SPIRE1: variants seen among roughly 807,000 people sequenced by gnomAD.
The protein encoded by SPIRE1 is spire type actin nucleation factor 1, also known as protein spire homolog 1.
SPIRE1 carries 40 observed loss-of-function variants against 94.1 expected under a neutral mutation model. The ratio of observed to expected loss-of-function variants is 0.43; its 90% CI spans 0.33 to 0.55. The LOEUF is 0.55. Ranked by LOEUF, SPIRE1 falls within the 20% of genes least tolerant of loss-of-function variation. The probability of loss-of-function intolerance (pLI) is 0.06; values close to 1 mark genes in which losing one functional copy is unlikely to be tolerated. For synonymous variants in SPIRE1, 376 were observed against 371.7 expected (o/e 1.01, Z -0.13); for missense variants, 838 against 975.2 (o/e 0.86, Z 1.87).
chr18:12,455,452 T>G (rs1427513434), intron 12 of SPIRE1, among the ~76,000 whole-genome samples: 1 of 152,216 alleles, frequency 6.6e-6, no homozygotes, highest in African/African-American at 2.4e-5. Flanking sequence ...AGATTTGTTG[T>G]TACTTTCAAC....
chr18:12,594,500 T>A (rs1360166603), intron 2 of SPIRE1, among the ~76,000 whole-genome samples: 1 of 152,180 alleles, frequency 6.6e-6, no homozygotes, highest in African/African-American at 2.4e-5. Context: ...AAAAATTAGG[T>A]TACAAACCAC....
rs1380909503 is a variant in SPIRE1, at chr18:12,535,298, T to G, written c.729+178A>C. Among the ~76,000 whole-genome samples, 8 of 152,236 alleles carry G rather than the reference T, an allele frequency of 5.3e-5. No homozygotes were observed. The South Asian group carries it at 1.7e-3, about 32-fold the overall frequency. ...CTGTTGATATTTCAATACAATAGAT[T>G]TAATTTTACCTAAGTTGCTTCTTTC... On this transcript the variant is annotated intron_variant, in intron 4 of 16. Transcript: ENST00000409402.
At chr18:12,564,507 A>G (rs894641130) in intron 2 of SPIRE1, among the ~76,000 whole-genome samples, 2 of 152,364 alleles carry the variant, frequency 1.3e-5, no homozygotes, top group South Asian at 2.1e-4. Flanking sequence ...AGGAGCTTAG[A>G]AGTCACTACT....
intron 2 of SPIRE1, among the ~76,000 whole-genome samples, chr18:12,555,022 A>G (rs543387338): frequency 3.3e-5 from 5 of 152,120 alleles, no homozygotes; most frequent in South Asian, 2.1e-4. Flanking sequence ...CTAACCGACC[A>G]CCTACTTCCT....
intron 2 of SPIRE1, among the ~76,000 whole-genome samples, chr18:12,555,937 C>T (rs1301898538): frequency 6.6e-6 from 1 of 152,082 alleles, no homozygotes; most frequent in Non-Finnish European, 1.5e-5. Flanking sequence ...CTGAACCCCT[C>T]CCGAAAATCT....
intron 12 of SPIRE1, among the ~76,000 whole-genome samples, chr18:12,456,798 C>T (rs2031527628): frequency 6.6e-6 from 1 of 152,206 alleles, no homozygotes; most frequent in Non-Finnish European, 1.5e-5. Context: ...CAACTCACTG[C>T]TTTGACCCAC....
chr18:12,616,383 C>A (rs1308766811), intron 2 of SPIRE1, among the ~76,000 whole-genome samples: 1 of 152,128 alleles, frequency 6.6e-6, no homozygotes, highest in Non-Finnish European at 1.5e-5. Flanking sequence ...AATGGAAAAG[C>A]AAAGGACAGA....
At chr18:12,490,952 A>G (rs905496273) in intron 8 of SPIRE1, among the ~76,000 whole-genome samples, 13 of 152,126 alleles carry the variant, frequency 8.5e-5, no homozygotes, top group African/African-American at 3.1e-4. Flanking sequence ...AAAAAGAAAT[A>G]AAAGGCATCC....
intron 16 of SPIRE1, among the ~76,000 whole-genome samples, chr18:12,451,669 C>T (rs1279225838): frequency 6.6e-6 from 1 of 152,214 alleles, no homozygotes; most frequent in Non-Finnish European, 1.5e-5. Flanking sequence ...GATCAAAGCC[C>T]AGCCTCTCGG....
At chr18:12,495,123 T>G (rs557086059) in intron 7 of SPIRE1, among the ~76,000 whole-genome samples, 23 of 151,958 alleles carry the variant, frequency 1.5e-4, no homozygotes, top group African/African-American at 5.5e-4. Flanking sequence ...AAAGGATCAT[T>G]AATTATGCTT....
intron 1 of SPIRE1, among the ~76,000 whole-genome samples, chr18:12,654,232 G>A (rs1343517035): frequency 6.6e-6 from 1 of 151,312 alleles, no homozygotes; most frequent in Non-Finnish European, 1.5e-5. Context: ...AGCTACTTGG[G>A]AGGCTGAGGT....
intron 2 of SPIRE1, among the ~76,000 whole-genome samples, chr18:12,599,126 A>G (rs1324734871): frequency 6.6e-6 from 1 of 152,210 alleles, no homozygotes; most frequent in African/African-American, 2.4e-5. Context: ...ACCACAATAT[A>G]ATTATAAAAA....
chr18:12,582,748 T>C (rs2036288439), intron 2 of SPIRE1, among the ~76,000 whole-genome samples: 1 of 152,222 alleles, frequency 6.6e-6, no homozygotes, highest in South Asian at 2.1e-4. Flanking sequence ...TATAGCTTTC[T>C]AGATGATTCC....
intron 1 of SPIRE1, chr18:12,652,875 AG>A (rs1430957459): frequency 6.6e-6 from 1 of 152,262 alleles, no homozygotes; most frequent in Non-Finnish European, 1.5e-5. Flanking sequence ...AAGTCAGTAA[AG>A]CCTATGAAGT....
chr18:12,659,723 T>C (rs1250140774), upstream of SPIRE1, among the ~76,000 whole-genome samples: 2 of 152,092 alleles, frequency 1.3e-5, no homozygotes, highest in Non-Finnish European at 2.9e-5. Flanking sequence ...AGGCAACTTA[T>C]TATAATTTCA....
intron 10 of SPIRE1, among the ~76,000 whole-genome samples, chr18:12,477,909 C>T (rs1363262337): frequency 1.3e-5 from 2 of 151,938 alleles, no homozygotes; most frequent in Non-Finnish European, 2.9e-5. Flanking sequence ...TCAGGGGATG[C>T]AAATTTTATT....
At chr18:12,615,614 A>T (rs2037286510) in intron 2 of SPIRE1, among the ~76,000 whole-genome samples, 1 of 149,808 alleles carries the variant, frequency 6.7e-6, no homozygotes, top group African/African-American at 2.4e-5. Context: ...TTTAAATGAC[A>T]TTAAAATATA....
chr18:12,619,719 G>A (rs1345178616), intron 2 of SPIRE1, among the ~76,000 whole-genome samples: 5 of 151,420 alleles, frequency 3.3e-5, no homozygotes, highest in Non-Finnish European at 5.9e-5. Flanking sequence ...AGTGGTGTGT[G>A]CCTGTAGTCC....
intron 2 of SPIRE1, among the ~76,000 whole-genome samples, chr18:12,585,220 A>G (rs1016484080): frequency 2.0e-5 from 3 of 152,212 alleles, no homozygotes; most frequent in African/African-American, 7.2e-5. Context: ...ACTTACACAT[A>G]CACATATATG....
Sources: allele counts gnomAD v4.1 joint callset (sites outside exome capture counted in the v4.1 genomes callset), GRCh38; gene constraint gnomAD v4.1.1; transcripts MANE v1.5; gene names NCBI Gene and HGNC (gene_info 2026-07-23, HGNC 2026-07-21).